Variants in ZNF831 observed in about 807,000 individuals in gnomAD.
ZNF831 encodes the protein zinc finger protein 831.
In ZNF831, 59 loss-of-function variants were observed where a neutral mutation model predicts 95.8. That is an observed-to-expected ratio of 0.62 (90% confidence interval 0.50 to 0.77). ZNF831 has a LOEUF of 0.77. ZNF831 is among the 30% of genes least tolerant of loss of function. The pLI, the probability that ZNF831 is intolerant of heterozygous loss-of-function variation, is 0.00. For synonymous variants in ZNF831, 961 were observed against 925.5 expected (o/e 1.04, Z -0.70); for missense variants, 2,205 against 2,164.0 (o/e 1.02, Z -0.38).
intron 1 of ZNF831, among the ~76,000 whole-genome samples, chr20:59,145,909 C>A: frequency 6.6e-6 from 1 of 152,140 alleles, no homozygotes. Context: ...AGGAGAGGTG[C>A]AAGGGGAAAG....
intron 1 of ZNF831, among the ~76,000 whole-genome samples, chr20:59,125,066 A>G (rs1979128532): frequency 6.6e-6 from 1 of 152,170 alleles, no homozygotes; most frequent in South Asian, 2.1e-4. Flanking sequence ...AGGCTCAAAG[A>G]AGAGAGATGT....
At chr20:59,140,693 G>A (rs1433695876) in intron 1 of ZNF831, among the ~76,000 whole-genome samples, 1 of 152,112 alleles carries the variant, frequency 6.6e-6, no homozygotes, top group Non-Finnish European at 1.5e-5. Flanking sequence ...GGGTCTGGGT[G>A]ACCCAGTTTC....
Position 59,192,001 on chromosome 20 carries a change from G to A in ZNF831, c.982G>A (p.Asp328Asn), listed in dbSNP as rs757104993. 5 of 1,608,674 alleles carry A rather than the reference G, an allele frequency of 3.1e-6. No individual in the cohort carries two copies. Among genetic ancestry groups the A allele is most frequent in the Non-Finnish European group, 4.2e-6 (5 of 1,178,684 alleles). ...GGCGACGGCAGCGGAGAAGCCCTGG[G>A]ATGCCAAGGCCCCCGAGGGCCGGCT... ...QQATAAEKPW[D>N]AKAPEGRLRK... The change falls in exon 2 of 6, where the codon GAT (aspartate) becomes AAT (asparagine). Residue 328 changes from aspartate to asparagine, a missense_variant. Coordinates refer to ENST00000371030, the MANE Select transcript of ZNF831 (RefSeq NM_178457.3). The surrounding 1 kb of genome is among the most constrained non-coding windows in gnomAD (Gnocchi z 5.2).
intron 2 of ZNF831, among the ~76,000 whole-genome samples, chr20:59,153,377 G>A (rs557510504): frequency 6.6e-6 from 1 of 152,348 alleles, no homozygotes; most frequent in African/African-American, 2.4e-5. Context: ...CCCGATTTCT[G>A]TTTGTCCCTC....
In ZNF831 at chr20:59,194,308, T is replaced by G. The variant is rs762245845; in HGVS notation, c.3289T>G (p.Trp1097Gly). 16 of 1,613,800 alleles carry G rather than the reference T, an allele frequency of 9.9e-6. No homozygotes were observed. In the African/African-American group the frequency reaches 2.0e-4, roughly 20 times the overall value. Residue 1097 changes from tryptophan to glycine, a missense_variant, in exon 2 of 6, where the codon TGG (tryptophan) becomes GGG (glycine). Trp to Gly is a radical substitution (Grantham distance 184). Coordinates refer to ENST00000371030, the MANE Select transcript of ZNF831 (RefSeq NM_178457.3). The stretch of plus-strand genomic sequence containing the variant: ...GCTCTCTGGGGATGTCCTGAATCCC[T>G]GGGTACCCAACTGGGAGCTGGGGGA... ...ARLSGDVLNP[W>G]VPNWELGEPP... is the part of the protein sequence containing the mutation.
At chr20:59,218,317 T>C (rs1199090530) in intron 4 of ZNF831, among the ~76,000 whole-genome samples, 1 of 152,166 alleles carries the variant, frequency 6.6e-6, no homozygotes, top group Non-Finnish European at 1.5e-5. Flanking sequence ...CCAAACAGAT[T>C]CCCTGGTTAT....
At chr20:59,126,234 G>A (rs143157004) in intron 1 of ZNF831, among the ~76,000 whole-genome samples, 6 of 152,196 alleles carry the variant, frequency 3.9e-5, no homozygotes, top group African/African-American at 7.2e-5. Flanking sequence ...TCTCTCCCCC[G>A]TGTCAATTCC....
chr20:59,197,307 A>G (rs260006), intron 3 of ZNF831, among the ~76,000 whole-genome samples: 17,061 of 152,034 alleles, frequency 0.11, 2,020 homozygotes, highest in African/African-American at 0.3. Flanking sequence ...TCTGGCATGC[A>G]TTGTTTCAGG....
At chr20:59,133,810 A>T (rs1979419613) in intron 1 of ZNF831, among the ~76,000 whole-genome samples, 1 of 152,198 alleles carries the variant, frequency 6.6e-6, no homozygotes, top group South Asian at 2.1e-4. Flanking sequence ...GCAAGAGTGC[A>T]TGCCTCCCCC....
chr20:59,211,009 C>T (rs1254635205), intron 4 of ZNF831, among the ~76,000 whole-genome samples: 2 of 74,038 alleles, frequency 2.7e-5, no homozygotes, highest in East Asian at 1.1e-3. Context: ...GTCCGCAGTC[C>T]GGCCTGGGCG....
chr20:59,197,548 G>A (rs1984212046), intron 3 of ZNF831, among the ~76,000 whole-genome samples: 1 of 152,190 alleles, frequency 6.6e-6, no homozygotes, highest in African/African-American at 2.4e-5. Context: ...CAATGCTTGA[G>A]ATTTTGCATT....
chr20:59,143,666 C>A lies in ZNF831; in HGVS notation c.-1424-2565C>A, dbSNP rs565486701. ...TCCTTCTGGGGAGGAGGATGGGTTT[C>A]CTGATCAGAACATGGCCAGATTTTC... On this transcript the variant is annotated intron_variant, in intron 1 of 7. Transcript: ENST00000637017. 8.5e-5 allele frequency among the ~76,000 whole-genome samples: 13 copies of A among 152,292 alleles called. No homozygotes were observed. The East Asian group carries it at 2.3e-3, about 27-fold the overall frequency.
At position 59,192,008 on chromosome 20, in the gene ZNF831, A is replaced by G. The variant is rs2146557917; in HGVS notation, c.989A>G (p.Lys330Arg). 6.2e-7 allele frequency: 1 copy of G among 1,608,424 alleles called. No individual in the cohort carries two copies. ...ATAAEKPWDA[K>R]APEGRLRKCE... ...GCAGCGGAGAAGCCCTGGGATGCCA[A>G]GGCCCCCGAGGGCCGGCTGCGGAAG... is the stretch of plus-strand genomic sequence containing the variant. Residue 330 changes from lysine (K) to arginine (R), a missense_variant, in exon 2 of 6, where the codon AAG becomes AGG. Physicochemically the swap from Lys to Arg is conservative, Grantham distance 26. Transcript: ENST00000371030. The surrounding 1 kb of genome is among the most constrained non-coding windows in gnomAD (Gnocchi z 5.2).
intron 4 of ZNF831, among the ~76,000 whole-genome samples, chr20:59,221,662 G>C (rs543883410): frequency 1.3e-5 from 2 of 152,280 alleles, no homozygotes; most frequent in African/African-American, 4.8e-5. Context: ...TTCATACGTT[G>C]AGGAAAAGAA....
rs1187977798 is a variant in ZNF831 at position 59,192,213 on chromosome 20, G to C, written c.1194G>C (p.Glu398Asp). ...CCGGGGCGCGAGAAGCCGGCCTGGA[G>C]CTGGAGAAGAAGCGGCTGGAGGAGC... ...AEPGAREAGLELEKKRLEERI... is the reference protein window; with the variant it reads ...AEPGAREAGLDLEKKRLEERI... Residue 398 changes from glutamate to aspartate, a missense_variant, in exon 2 of 6, where the codon GAG becomes GAC. Coordinates refer to ENST00000371030, the MANE Select transcript of ZNF831 (RefSeq NM_178457.3). The surrounding 1 kb of genome is among the most constrained non-coding windows in gnomAD (Gnocchi z 5.2). 6.3e-7 allele frequency: 1 copy of C among 1,587,852 alleles called. No individual in the cohort carries two copies. Among genetic ancestry groups the C allele is most frequent in the Non-Finnish European group, 8.6e-7 (1 of 1,168,090 alleles).
At chr20:59,228,462 A>C (rs936079755) in intron 4 of ZNF831, among the ~76,000 whole-genome samples, 4 of 152,044 alleles carry the variant, frequency 2.6e-5, no homozygotes, top group Admixed American at 1.3e-4. Context: ...CATGCTGCCA[A>C]CCAACTTCCA....
intron 4 of ZNF831, among the ~76,000 whole-genome samples, chr20:59,251,918 C>G (rs1239408064): frequency 6.6e-6 from 1 of 152,142 alleles, no homozygotes; most frequent in Non-Finnish European, 1.5e-5. Flanking sequence ...CTAATATAAA[C>G]ATGGAATATT....
intron 3 of ZNF831, among the ~76,000 whole-genome samples, chr20:59,200,966 A>G (rs1168636046): frequency 1.3e-5 from 2 of 152,212 alleles, no homozygotes; most frequent in Non-Finnish European, 2.9e-5. Flanking sequence ...CTTTGTATGG[A>G]CATATGCTTT....
chr20:59,124,513 T>C (rs926911107), intron 1 of ZNF831, among the ~76,000 whole-genome samples: 22 of 152,228 alleles, frequency 1.4e-4, no homozygotes, highest in Admixed American at 1.3e-3. Flanking sequence ...ATCTGGCTTC[T>C]GTTGACTCTA....
Sources: gnomAD v4.1 joint callset for allele counts (sites outside exome capture counted in the v4.1 genomes callset) on GRCh38, gnomAD v4.1.1 for gene constraint, Gnocchi (gnomAD v3.1) non-coding constraint, MANE v1.5 for transcripts, NCBI Gene and HGNC (gene_info 2026-07-23, HGNC 2026-07-21) for gene names.